KAT6B: variants seen among roughly 807,000 people sequenced by gnomAD.
KAT6B encodes the protein histone acetyltransferase KAT6B.
Under a neutral mutation model 187.5 loss-of-function variants are expected in KAT6B, and 10 were observed. That is an observed-to-expected ratio of 0.05 (90% CI 0.03 to 0.09). The LOEUF (loss-of-function observed/expected upper bound fraction) is 0.09, where lower values mean the gene tolerates loss of function less well. KAT6B is among the 10% of genes least tolerant of loss of function. The pLI, the probability that KAT6B is intolerant of heterozygous loss-of-function variation, is 1.00. For synonymous variants in KAT6B, 861 were observed against 926.8 expected, an observed-to-expected ratio of 0.93 and a Z score of 1.29; for missense variants, 1,952 against 2,558.9, an observed-to-expected ratio of 0.76 and a Z score of 5.12.
intron 3 of KAT6B, among the ~76,000 whole-genome samples, chr10:74,869,247 G>A (rs191681145): frequency 6.7e-6 from 1 of 149,486 alleles, no homozygotes; most frequent in Admixed American, 6.7e-5. Context: ...CAGCTATGCA[G>A]TTTTTTTTTT....
intron 13 of KAT6B, among the ~76,000 whole-genome samples, chr10:74,994,110 C>G (rs1272212204): frequency 6.6e-6 from 1 of 152,110 alleles, no homozygotes; most frequent in African/African-American, 2.4e-5. Flanking sequence ...ATGATAATTA[C>G]CAAATGGTAA....
intron 4 of KAT6B, among the ~76,000 whole-genome samples, chr10:74,962,944 G>A (rs965552300): frequency 2.0e-5 from 3 of 152,006 alleles, no homozygotes; most frequent in Admixed American, 2.0e-4. Context: ...TGAATGTGGT[G>A]TCCCTAGCCT....
chr10:74,920,330 T>C (rs1281512214), intron 3 of KAT6B, among the ~76,000 whole-genome samples: 1 of 152,170 alleles, frequency 6.6e-6, no homozygotes, highest in Non-Finnish European at 1.5e-5. Context: ...CCCACCTGCT[T>C]AGGCTCCAGA....
intron 3 of KAT6B, among the ~76,000 whole-genome samples, chr10:74,951,805 C>T (rs573020839): frequency 6.6e-6 from 1 of 152,296 alleles, no homozygotes; most frequent in South Asian, 2.1e-4. Flanking sequence ...TGTTTGTGGT[C>T]ATTGAGGATA....
intron 3 of KAT6B, among the ~76,000 whole-genome samples, chr10:74,954,878 T>A (rs1266162850): frequency 6.6e-6 from 1 of 152,208 alleles, no homozygotes; most frequent in African/African-American, 2.4e-5. Flanking sequence ...TACTAGCATC[T>A]CCCCGCTCTA....
At chr10:74,878,146 C>T (rs1844560171) in intron 3 of KAT6B, among the ~76,000 whole-genome samples, 1 of 152,148 alleles carries the variant, frequency 6.6e-6, no homozygotes, top group African/African-American at 2.4e-5. Context: ...TATTGGGCAT[C>T]TCAGATTTGC....
chr10:75,012,573 C>G (rs1844685324), intron 13 of KAT6B, among the ~76,000 whole-genome samples: 1 of 152,222 alleles, frequency 6.6e-6, no homozygotes, highest in South Asian at 2.1e-4. Context: ...CCTGGCACCT[C>G]CGGCTCAGGA....
At chr10:75,000,706 T>C (rs1843771218) in intron 13 of KAT6B, among the ~76,000 whole-genome samples, 1 of 152,178 alleles carries the variant, frequency 6.6e-6, no homozygotes, top group Non-Finnish European at 1.5e-5. Flanking sequence ...ATCATAAAAA[T>C]GTGTCAGCAG....
chr10:74,830,135 A>G (rs1840640067), intron 1 of KAT6B, among the ~76,000 whole-genome samples: 1 of 151,996 alleles, frequency 6.6e-6, no homozygotes, highest in Non-Finnish European at 1.5e-5. Context: ...AAGTGGGGTG[A>G]TGGGATATTT....
chr10:75,031,299 G>A lies in KAT6B; in HGVS notation c.*253G>A. 10 of 499,374 alleles carry A rather than the reference G, an allele frequency of 2.0e-5. No individual in the cohort carries two copies. In the South Asian group the frequency reaches 2.2e-4, roughly 11 times the overall value. 30.9% of individuals were successfully genotyped at this position (499,374 alleles called of 1,614,324 possible). On this transcript the variant is annotated 3_prime_UTR_variant, in exon 18 of 18. Transcript: ENST00000287239. ...TTATATAAAATTCTCTGCAAAGGAA[G>A]GCCTCTCTTTGGACTACAATTTGGA...
chr10:74,949,703 T>G (rs770377982), intron 3 of KAT6B, among the ~76,000 whole-genome samples: 2 of 152,246 alleles, frequency 1.3e-5, no homozygotes, highest in Non-Finnish European at 2.9e-5. Context: ...GGCTAAGCTT[T>G]ATTATTTTAT....
In KAT6B at chr10:74,942,228, A is replaced by AT. The variant is rs1324982105; in HGVS notation, c.622-17735dup. 4.6e-5 allele frequency among the ~76,000 whole-genome samples: 7 copies of AT among 152,154 alleles called. No homozygotes were observed. In the East Asian group the frequency reaches 1.2e-3, roughly 25 times the overall value. ...ACATTCCTCATGAACATAAACACAG[A>AT]TTTTTTTAATTAGCAAATTAATCCA... On this transcript the variant is annotated intron_variant, in intron 3 of 17. Coordinates refer to ENST00000287239, the MANE Select transcript of KAT6B (RefSeq NM_012330.4).
intron 3 of KAT6B, among the ~76,000 whole-genome samples, chr10:74,935,502 G>C (rs991749914): frequency 1.3e-5 from 2 of 152,052 alleles, no homozygotes; most frequent in East Asian, 3.9e-4. Flanking sequence ...ATCTTGCTAT[G>C]TTGTTGCTCA....
intron 13 of KAT6B, among the ~76,000 whole-genome samples, chr10:75,012,122 C>A (rs1161786116): frequency 5.3e-5 from 8 of 152,070 alleles, no homozygotes; most frequent in Admixed American, 3.3e-4. Flanking sequence ...CAGGCAGGGT[C>A]GAGAACCACT....
chr10:74,947,673 AGTTTACCCTTAGTAGGCTTTCTACT>A lies in KAT6B; in HGVS notation c.622-12262_622-12238del, dbSNP rs549818029. The stretch of plus-strand genomic sequence containing the variant: ...TGGGCTTTTTCTTCCTTCTTCCTAC[AGTTTACCCTTAGTAGGCTTTCTACT>A]GTTTACCCTTAGTAGGCTTTCTACT... On this transcript the variant is annotated intron_variant, in intron 3 of 17. Coordinates refer to ENST00000287239, the MANE Select transcript of KAT6B (RefSeq NM_012330.4). Among the ~76,000 whole-genome samples the A allele has an allele frequency of 6.9e-3, 1,053 of 152,260 alleles. 5 individuals are homozygous for A. The highest frequency in any genetic ancestry group is 0.011 in the Non-Finnish European group (778 of 68,004).
At chr10:75,016,895 C>G (rs1050739218) in intron 13 of KAT6B, among the ~76,000 whole-genome samples, 1 of 121,490 alleles carries the variant, frequency 8.2e-6, no homozygotes, top group African/African-American at 3.2e-5. Flanking sequence ...TGGAGTTTCA[C>G]TCTTGTTGCC....
intron 3 of KAT6B, among the ~76,000 whole-genome samples, chr10:74,958,525 A>AT (rs1840846719): frequency 6.6e-6 from 1 of 152,226 alleles, no homozygotes; most frequent in Non-Finnish European, 1.5e-5. Flanking sequence ...ATGCGGTAAA[A>AT]TTACAGTTTT....
At chr10:74,910,118 C>T (rs1368814329) in intron 3 of KAT6B, among the ~76,000 whole-genome samples, 56 of 143,300 alleles carry the variant, frequency 3.9e-4, no homozygotes, top group Admixed American at 3.5e-3. Flanking sequence ...GGAGAAGCCC[C>T]ATCTCTACTA....
At chr10:74,842,102 A>G (rs1283816172) in intron 2 of KAT6B, among the ~76,000 whole-genome samples, 1 of 152,250 alleles carries the variant, frequency 6.6e-6, no homozygotes, top group African/African-American at 2.4e-5. Flanking sequence ...ATGTGATTCC[A>G]TAGAAGTAGC....
Sources: gnomAD v4.1 joint callset for allele counts (sites outside exome capture counted in the v4.1 genomes callset) on GRCh38, gnomAD v4.1.1 for gene constraint, MANE v1.5 for transcripts, NCBI Gene and HGNC (gene_info 2026-07-23, HGNC 2026-07-21) for gene names.